The following CNTN5 variants were observed in gnomAD, a reference collection of about 807,000 sequenced individuals.
The protein encoded by CNTN5 is contactin 5.
A neutral mutation model predicts 129.1 loss-of-function variants in CNTN5; 77 were observed. The observed-to-expected ratio is 0.60, with a 90% CI of 0.50 to 0.72. CNTN5 has a LOEUF of 0.72. CNTN5 is among the 30% of genes least tolerant of loss of function. The pLI is 0.00. For missense variants in CNTN5, 1,478 were observed against 1,328.8 expected, an observed-to-expected ratio of 1.11 and a Z score of -1.75; for synonymous variants, 509 against 465.6, an observed-to-expected ratio of 1.09 and a Z score of -1.20.
At chr11:100,045,161 G>A (rs947816954) in intron 9 of CNTN5, among the ~76,000 whole-genome samples, 4 of 150,848 alleles carry the variant, frequency 2.7e-5, no homozygotes, top group Non-Finnish European at 1.5e-5. Flanking sequence ...CTAGGTGATT[G>A]TACAAGAAGA....
intron 2 of CNTN5, among the ~76,000 whole-genome samples, chr11:99,356,058 C>T (rs566805740): frequency 2.1e-4 from 32 of 152,008 alleles, no homozygotes; most frequent in African/African-American, 6.0e-4. Context: ...AATCTCCTGA[C>T]CTCGTGATCT....
intron 13 of CNTN5, among the ~76,000 whole-genome samples, chr11:100,074,675 T>G (rs1396196198): frequency 6.6e-6 from 1 of 152,218 alleles, no homozygotes; most frequent in Non-Finnish European, 1.5e-5. Flanking sequence ...AAAACATATG[T>G]GAATCTTCTG....
At chr11:99,714,393 A>G (rs1447330448) in intron 3 of CNTN5, among the ~76,000 whole-genome samples, 3 of 151,968 alleles carry the variant, frequency 2.0e-5, no homozygotes, top group African/African-American at 7.2e-5. Context: ...TAACTTGTAT[A>G]GCATTTAGAA....
chr11:100,339,003 G>A (rs1952098949), intron 21 of CNTN5, among the ~76,000 whole-genome samples: 1 of 152,056 alleles, frequency 6.6e-6, no homozygotes, highest in South Asian at 2.1e-4. Context: ...ATGGATGGCT[G>A]TGTGTTAGCA....
intron 3 of CNTN5, among the ~76,000 whole-genome samples, chr11:99,745,380 G>T (rs1944020327): frequency 6.6e-6 from 1 of 152,004 alleles, no homozygotes. Context: ...TTTTCCAAAG[G>T]CTCGGTGTTC....
In CNTN5 at chr11:99,620,379, T is replaced by A. The variant is rs190297908; in HGVS notation, c.55+64110T>A. Among the ~76,000 whole-genome samples, 32 of 152,104 alleles carry A rather than the reference T, an allele frequency of 2.1e-4. No homozygotes were observed. The East Asian group carries it at 3.7e-3, about 17-fold the overall frequency. On this transcript the variant is annotated intron_variant, in intron 3 of 24. Coordinates refer to ENST00000524871, the MANE Select transcript of CNTN5 (RefSeq NM_014361.4). ...CAATTAAATAAAAAGTAAACATTCA[T>A]TGCCAGCATATAATATTTAATTATA...
chr11:99,475,043 A>AC (rs1945319170), intron 2 of CNTN5, among the ~76,000 whole-genome samples: 1 of 151,984 alleles, frequency 6.6e-6, no homozygotes, highest in Non-Finnish European at 1.5e-5. Flanking sequence ...GTGGGATTAG[A>AC]CCATGTAAGA....
At chr11:99,642,081 A>T (rs1565848) in intron 3 of CNTN5, among the ~76,000 whole-genome samples, 30,214 of 152,138 alleles carry the variant, frequency 0.2, 3,057 homozygotes, top group South Asian at 0.29. Flanking sequence ...AGTGTAGCTG[A>T]TAGGGAAGAT....
At chr11:99,727,742 C>A (rs1420091199) in intron 3 of CNTN5, among the ~76,000 whole-genome samples, 1 of 152,142 alleles carries the variant, frequency 6.6e-6, no homozygotes, top group Non-Finnish European at 1.5e-5. Flanking sequence ...GTGCCATCCA[C>A]ATACATAAGT....
At chr11:99,891,680 G>A (rs556418403) in intron 6 of CNTN5, among the ~76,000 whole-genome samples, 5 of 152,124 alleles carry the variant, frequency 3.3e-5, no homozygotes, top group East Asian at 1.9e-4. Context: ...TTATGGCTGC[G>A]TGGTATTCCT....
At chr11:100,346,846 T>C (rs1952292182) in intron 23 of CNTN5, among the ~76,000 whole-genome samples, 1 of 152,128 alleles carries the variant, frequency 6.6e-6, no homozygotes, top group Non-Finnish European at 1.5e-5. Flanking sequence ...AGAGTTTTAA[T>C]GGACTCACAG....
intron 1 of CNTN5, among the ~76,000 whole-genome samples, chr11:99,247,879 G>A (rs1339237918): frequency 3.3e-5 from 5 of 152,096 alleles, no homozygotes; most frequent in Non-Finnish European, 5.9e-5. Flanking sequence ...CATTTGGGTT[G>A]GTTCCAAGTC....
chr11:100,122,320 T>C (rs947746955), intron 13 of CNTN5, among the ~76,000 whole-genome samples: 22 of 151,978 alleles, frequency 1.4e-4, no homozygotes, highest in African/African-American at 2.7e-4. Context: ...AGCAGAGAGA[T>C]TGAGAGAGAG....
chr11:99,874,334 T>C (rs76307829), intron 6 of CNTN5, among the ~76,000 whole-genome samples: 8,390 of 152,238 alleles, frequency 0.055, 299 homozygotes, highest in Middle Eastern at 0.11. Flanking sequence ...ACAGTCTGGA[T>C]TAGGATTTTT....
At chr11:99,047,314 A>C (rs953436501) in intron 1 of CNTN5, among the ~76,000 whole-genome samples, 5 of 151,424 alleles carry the variant, frequency 3.3e-5, no homozygotes, top group Non-Finnish European at 7.4e-5. Flanking sequence ...CATGTGAAAT[A>C]GATGTGTTAT....
chr11:100,280,872 G>A (rs1950621019), intron 18 of CNTN5, among the ~76,000 whole-genome samples: 1 of 151,908 alleles, frequency 6.6e-6, no homozygotes, highest in African/African-American at 2.4e-5. Context: ...GTTACCACGA[G>A]GTTTGCAAAT....
intron 1 of CNTN5, among the ~76,000 whole-genome samples, chr11:99,200,068 T>C (rs1859097140): frequency 1.3e-5 from 2 of 152,210 alleles, no homozygotes; most frequent in Admixed American, 6.5e-5. Context: ...ATTACCTAAA[T>C]TTGTTTAGTC....
chr11:99,524,247 T>G (rs10893455), intron 2 of CNTN5, among the ~76,000 whole-genome samples: 42,217 of 152,026 alleles, frequency 0.28, 6,294 homozygotes, highest in East Asian at 0.42. Flanking sequence ...ATTTGGAGGA[T>G]ATTCCCTGAC....
At chr11:100,344,071 A>T (rs1361967068) in intron 23 of CNTN5, among the ~76,000 whole-genome samples, 2 of 151,308 alleles carry the variant, frequency 1.3e-5, no homozygotes, top group Non-Finnish European at 3.0e-5. Flanking sequence ...TTGGAATATT[A>T]AAAAGGGAGG....
Sources: gnomAD v4.1 joint callset for allele counts (sites outside exome capture counted in the v4.1 genomes callset) on GRCh38, gnomAD v4.1.1 for gene constraint, MANE v1.5 for transcripts, NCBI Gene and HGNC (gene_info 2026-07-23, HGNC 2026-07-21) for gene names.